SLC39A12: variants seen among roughly 807,000 people sequenced by gnomAD.
The protein encoded by SLC39A12 is solute carrier family 39 member 12.
SLC39A12 carries 63 observed loss-of-function variants against 71.1 expected under a neutral mutation model. The observed-to-expected ratio is 0.89, with a 90% CI of 0.72 to 1.09. The LOEUF is 1.09. Among genes scored for constraint, SLC39A12 ranks in the 50% least tolerant of loss-of-function variants. The probability of loss-of-function intolerance (pLI) is 0.00; values close to 1 mark genes in which losing one functional copy is unlikely to be tolerated. For synonymous variants in SLC39A12, 351 were observed against 301.3 expected (o/e 1.16, Z -1.71); for missense variants, 892 against 812.6 (o/e 1.10, Z -1.19).
intron 7 of SLC39A12, 72 bp downstream of exon 7, chr10:17,987,723 A>ATTTTAC (rs1835438536): frequency 6.6e-7 from 1 of 1,524,708 alleles, no homozygotes; most frequent in Non-Finnish European, 8.9e-7. Context: ...GGAGGTATTT[A>ATTTTAC]TGCAAAATTT....
At chr10:18,024,737 A>G (rs1454602844) in intron 12 of SLC39A12, among the ~76,000 whole-genome samples, 2 of 151,730 alleles carry the variant, frequency 1.3e-5, no homozygotes, top group South Asian at 2.1e-4. Flanking sequence ...GAATAAATCT[A>G]TTTTTCCTTG....
intron 12 of SLC39A12, among the ~76,000 whole-genome samples, chr10:18,036,325 G>T (rs1361585395): frequency 6.6e-6 from 1 of 152,190 alleles, no homozygotes. Context: ...GACCCTCCGA[G>T]CCAGGTGTGG....
intron 4 of SLC39A12, among the ~76,000 whole-genome samples, chr10:17,974,397 A>G (rs1208398373): frequency 6.6e-6 from 1 of 152,116 alleles, no homozygotes; most frequent in Non-Finnish European, 1.5e-5. Flanking sequence ...GTTTGTACTC[A>G]CTGTTCTTGG....
intron 11 of SLC39A12, among the ~76,000 whole-genome samples, chr10:18,001,487 C>G (rs989963923): frequency 6.6e-6 from 1 of 152,168 alleles, no homozygotes; most frequent in Non-Finnish European, 1.5e-5. Context: ...GCACTCCAGC[C>G]TGGGCAACAG....
intron 4 of SLC39A12, among the ~76,000 whole-genome samples, chr10:17,976,511 G>A (rs1835113171): frequency 6.6e-6 from 1 of 152,232 alleles, no homozygotes; most frequent in African/African-American, 2.4e-5. Flanking sequence ...TCCACCCTCT[G>A]GATTCAAGCG....
chr10:17,996,169 A>C (rs985962721), intron 10 of SLC39A12, among the ~76,000 whole-genome samples: 1 of 152,246 alleles, frequency 6.6e-6, no homozygotes, highest in African/African-American at 2.4e-5. Context: ...GGTAGAATTC[A>C]AATCAGTGAT....
intron 12 of SLC39A12, among the ~76,000 whole-genome samples, chr10:18,038,010 C>G (rs1266861235): frequency 9.4e-6 from 1 of 106,540 alleles, no homozygotes; most frequent in African/African-American, 4.0e-5. Flanking sequence ...CAGAGTGAGC[C>G]TCCATCTCAA....
At chr10:17,962,992 C>G (rs186235732) in intron 3 of SLC39A12, among the ~76,000 whole-genome samples, 1 of 151,962 alleles carries the variant, frequency 6.6e-6, no homozygotes, top group Admixed American at 6.6e-5. Flanking sequence ...CTTGTCTCTA[C>G]GAAAATAGAA....
At chr10:18,014,030 G>A (rs911962422) in intron 12 of SLC39A12, among the ~76,000 whole-genome samples, 1 of 152,024 alleles carries the variant, frequency 6.6e-6, no homozygotes, top group East Asian at 1.9e-4. Flanking sequence ...TAGAGATTAC[G>A]TTTAGTCTGT....
chr10:18,011,969 C>T (rs1320601922), intron 12 of SLC39A12, among the ~76,000 whole-genome samples: 1 of 151,986 alleles, frequency 6.6e-6, no homozygotes, highest in Non-Finnish European at 1.5e-5. Flanking sequence ...GTTGGCTATC[C>T]CATATAAGTT....
intron 4 of SLC39A12, among the ~76,000 whole-genome samples, chr10:17,972,882 T>C (rs879817724): frequency 3.2e-4 from 49 of 152,120 alleles, no homozygotes; most frequent in Non-Finnish European, 4.9e-4. Flanking sequence ...CATTTTGTTA[T>C]TTGTTTTCTG....
chr10:17,977,753 G>GA, intron 4 of SLC39A12, 149 bp from the exon 5 acceptor site: 1 of 547,408 alleles, frequency 1.8e-6, no homozygotes, highest in Non-Finnish European at 3.0e-6. Context: ...GCATTTTCGT[G>GA]GGTGGAAATG....
At chr10:17,976,457 C>A (rs1185612260) in intron 4 of SLC39A12, among the ~76,000 whole-genome samples, 1 of 152,132 alleles carries the variant, frequency 6.6e-6, no homozygotes. Flanking sequence ...CACTCTGTTG[C>A]CCAGGTTGGA....
intron 12 of SLC39A12, among the ~76,000 whole-genome samples, chr10:18,011,762 G>A (rs1029869814): frequency 2.0e-5 from 3 of 152,206 alleles, no homozygotes; most frequent in Non-Finnish European, 4.4e-5. Context: ...AATTGCGTGT[G>A]ACAGTGATGT....
chr10:18,035,409 C>A (rs373383065), intron 12 of SLC39A12, among the ~76,000 whole-genome samples: 1 of 136,816 alleles, frequency 7.3e-6, no homozygotes, highest in South Asian at 2.3e-4. Flanking sequence ...CATCTTCCAT[C>A]GCTGATACCC....
chr10:17,987,474 C>T lies in SLC39A12; in HGVS notation c.1097-5C>T, dbSNP rs1005147266. The T allele has an allele frequency of 6.2e-7, 1 of 1,613,286 alleles. No individual in the cohort carries two copies. Among genetic ancestry groups the T allele is most frequent in the Non-Finnish European group, 8.5e-7 (1 of 1,179,808 alleles). ...TGACTGTGTTTACGATCTCCTTTGA[C>T]TTAGAATACGGCTACAGCACGGTGG... On this transcript the variant is annotated splice_polypyrimidine_tract_variant and splice_region_variant and intron_variant, in intron 6 of 12. Coordinates refer to ENST00000377369, the MANE Select transcript of SLC39A12 (RefSeq NM_001145195.2).
In SLC39A12 at chr10:17,953,310, G is replaced by C. The variant is rs782488914; in HGVS notation, c.34G>C (p.Val12Leu). ...CCGGACAAAGCTCTCAGTATCCTGG[G>C]TGCCATTGTTTCTTCTACTCAGCCG... Reference protein sequence around the residue: ...CFRTKLSVSWVPLFLLLSRVF... With the variant: ...CFRTKLSVSWLPLFLLLSRVF... Residue 12 changes from valine (V) to leucine (L), a missense_variant, in exon 2 of 13, where the codon GTG (valine) becomes CTG (leucine). Coordinates refer to ENST00000377369, the MANE Select transcript of SLC39A12 (RefSeq NM_001145195.2). The C allele has an allele frequency of 1.9e-6, 3 of 1,614,060 alleles. No homozygotes were observed.
chr10:17,993,924 C>A (rs796526006), intron 9 of SLC39A12, among the ~76,000 whole-genome samples: 1 of 152,150 alleles, frequency 6.6e-6, no homozygotes. Context: ...CCTCCTGGAA[C>A]CATGGCCTTA....
chr10:18,034,852 A>C (rs1430854730), intron 12 of SLC39A12, among the ~76,000 whole-genome samples: 1 of 150,052 alleles, frequency 6.7e-6, no homozygotes, highest in Non-Finnish European at 1.5e-5. Context: ...GGTGGTGACA[A>C]AATCTCTCAG....
Sources: allele counts gnomAD v4.1 joint callset (sites outside exome capture counted in the v4.1 genomes callset), GRCh38; gene constraint gnomAD v4.1.1; transcripts MANE v1.5; gene names NCBI Gene and HGNC (gene_info 2026-07-23, HGNC 2026-07-21).